CHRNA7: variants seen among roughly 807,000 people sequenced by gnomAD.
CHRNA7 encodes neuronal acetylcholine receptor subunit alpha-7.
In CHRNA7, 17 loss-of-function variants were observed where a neutral mutation model predicts 48.0. The ratio of observed to expected loss-of-function variants is 0.35; its 90% CI spans 0.24 to 0.53. The LOEUF is 0.53. CHRNA7 is among the 20% of genes least tolerant of loss of function. The probability of loss-of-function intolerance (pLI) is 0.92; values close to 1 mark genes in which losing one functional copy is unlikely to be tolerated. For missense variants in CHRNA7, 155 were observed against 577.7 expected (o/e 0.27, Z 7.50); for synonymous variants, 75 against 242.3 (o/e 0.31, Z 6.41).
intron 4 of CHRNA7, among the ~76,000 whole-genome samples, chr15:32,123,277 C>T (rs2051005232): frequency 6.6e-6 from 1 of 152,058 alleles, no homozygotes; most frequent in Non-Finnish European, 1.5e-5. Context: ...TAAAGATAAA[C>T]CTCGTTAAAT....
At chr15:32,040,591 T>C (rs1441040356) in intron 2 of CHRNA7, among the ~76,000 whole-genome samples, 1 of 94,374 alleles carries the variant, frequency 1.1e-5, no homozygotes, top group Non-Finnish European at 3.1e-5. Context: ...CGTGTGTGTG[T>C]GTGTATATGT....
chr15:32,156,937 A>G (rs1291371251), intron 5 of CHRNA7: 1 of 49,684 alleles, frequency 2.0e-5, no homozygotes, highest in African/African-American at 8.2e-5. Context: ...CACCCAGCTA[A>G]TTTTTTTTAT....
intron 2 of CHRNA7, among the ~76,000 whole-genome samples, chr15:32,063,575 A>ATGG (rs1435928066): frequency 6.6e-6 from 1 of 152,186 alleles, no homozygotes; most frequent in African/African-American, 2.4e-5. Context: ...GGAGTTATTG[A>ATGG]TGGAGTTTCA....
In CHRNA7 at chr15:32,163,470, G is replaced by A. The variant is rs1260163487; in HGVS notation, c.990+135G>A. 7.4e-6 allele frequency: 2 copies of A among 271,456 alleles called. 1 individual carries two copies. Among genetic ancestry groups the A allele is most frequent in the African/African-American group, 8.4e-5 (2 of 23,762 alleles). 16.8% of individuals were successfully genotyped at this position (271,456 alleles called of 1,614,324 possible). Reference sequence around the variant, plus strand: ...TTGGGTTTTTTGTTTGTTTTTTTGAGACGGAGTCTCACTATGTCACCCAGG... The same window carrying A: ...TTGGGTTTTTTGTTTGTTTTTTTGAAACGGAGTCTCACTATGTCACCCAGG... On this transcript the variant is annotated intron_variant, in intron 9 of 9. Transcript: ENST00000306901.
At chr15:32,133,659 C>G (rs2051194866) in intron 4 of CHRNA7, among the ~76,000 whole-genome samples, 2 of 152,210 alleles carry the variant, frequency 1.3e-5, no homozygotes, top group South Asian at 4.1e-4. Flanking sequence ...AGGCTGTGCT[C>G]AGTCAGGGCT....
chr15:32,114,276 A>G (rs1461541987), intron 4 of CHRNA7, among the ~76,000 whole-genome samples: 1 of 151,926 alleles, frequency 6.6e-6, no homozygotes, highest in Admixed American at 6.6e-5. Context: ...AAAATGTTTG[A>G]TGATTCCAAA....
chr15:32,050,233 C>A (rs1282207990), intron 2 of CHRNA7, among the ~76,000 whole-genome samples: 1 of 152,206 alleles, frequency 6.6e-6, no homozygotes, highest in Non-Finnish European at 1.5e-5. Flanking sequence ...TGATATCCTG[C>A]AGAGTGTTTT....
At chr15:32,108,858 G>A (rs1438965796) in intron 3 of CHRNA7, among the ~76,000 whole-genome samples, 1 of 152,152 alleles carries the variant, frequency 6.6e-6, no homozygotes, top group African/African-American at 2.4e-5. Flanking sequence ...CAGGGTACAT[G>A]TAAGGAAACT....
chr15:32,066,347 T>C (rs2049966358), intron 2 of CHRNA7, among the ~76,000 whole-genome samples: 1 of 151,892 alleles, frequency 6.6e-6, no homozygotes, highest in East Asian at 1.9e-4. Context: ...GGTGGCGCGA[T>C]GTCCACTCAC....
chr15:32,064,182 G>C (rs569585736), intron 2 of CHRNA7, among the ~76,000 whole-genome samples: 2 of 152,060 alleles, frequency 1.3e-5, no homozygotes, highest in Non-Finnish European at 2.9e-5. Context: ...AAGCAATGCC[G>C]TTGCTCTGTT....
intron 2 of CHRNA7, among the ~76,000 whole-genome samples, chr15:32,091,788 G>A (rs1038340142): frequency 1.3e-5 from 2 of 152,170 alleles, no homozygotes; most frequent in African/African-American, 2.4e-5. Flanking sequence ...GTCAGCTCAC[G>A]TACTTACAAT....
chr15:32,152,422 A>T (rs993061946), intron 4 of CHRNA7, among the ~76,000 whole-genome samples: 3 of 152,166 alleles, frequency 2.0e-5, no homozygotes, highest in African/African-American at 7.2e-5. Flanking sequence ...CAGCCTGGGC[A>T]ACAGAGCTAG....
chr15:32,152,940 G>C (rs1246307846), intron 4 of CHRNA7, among the ~76,000 whole-genome samples: 5 of 152,126 alleles, frequency 3.3e-5, no homozygotes, highest in Admixed American at 1.3e-4. Context: ...TATCCCAGTT[G>C]TTAACTCCTG....
At chr15:32,103,157 G>A (rs1418109796) in intron 3 of CHRNA7, 1 of 152,226 alleles carries the variant, frequency 6.6e-6, no homozygotes. Context: ...TTCTTGGGCA[G>A]TTGAGTTATC....
At chr15:32,108,434 T>G (rs2050707563) in intron 3 of CHRNA7, among the ~76,000 whole-genome samples, 1 of 152,262 alleles carries the variant, frequency 6.6e-6, no homozygotes, top group Non-Finnish European at 1.5e-5. Flanking sequence ...AGGTGCTGTC[T>G]ACAAAGATTT....
rs778298112 is a variant in CHRNA7 at position 32,168,224 on chromosome 15, AC to A, written c.1281del (p.Glu428ArgfsTer60). On this transcript the variant is annotated frameshift_variant, in exon 10 of 10. Coordinates refer to ENST00000306901, the MANE Select transcript of CHRNA7 (RefSeq NM_000746.6). LOFTEE classifies it high-confidence loss of function. ...ATGAGCACCTCCTGCACGGCGGGCA[AC>A]CCCCCGAGGGGGACCCGGACTTGGC... ...HDEHLLHGGQ[P>X]PEGDPDLAKI... 2.6e-6 allele frequency: 4 copies of A among 1,538,482 alleles called. No homozygotes were observed. The highest frequency in any genetic ancestry group is 1.2e-5 in the South Asian group (1 of 84,084).
In CHRNA7 at chr15:32,120,223, C is replaced by G. The variant is rs57435323; in HGVS notation, c.350+8324C>G. On this transcript the variant is annotated intron_variant, in intron 4 of 9. Transcript: ENST00000306901. ...CCTGACTCCATAGTCTGACTCATTACTGGCCAGTCTCTCGACACATCAGGA... is the reference window on the plus strand; with the variant it reads ...CCTGACTCCATAGTCTGACTCATTAGTGGCCAGTCTCTCGACACATCAGGA... 7.3e-3 allele frequency among the ~76,000 whole-genome samples: 1,112 copies of G among 152,278 alleles called. 13 individuals carry two copies. Among genetic ancestry groups the G allele is most frequent in the African/African-American group, 0.025 (1,057 of 41,556 alleles).
intron 2 of CHRNA7, among the ~76,000 whole-genome samples, chr15:32,086,829 G>A (rs1356759980): frequency 6.6e-6 from 1 of 151,696 alleles, no homozygotes; most frequent in African/African-American, 2.4e-5. Flanking sequence ...AATGTGTTTT[G>A]GGGTAGACAG....
At chr15:32,158,133 CAG>C in intron 6 of CHRNA7, 1 of 306,554 alleles carries the variant, frequency 3.3e-6, no homozygotes, top group Non-Finnish European at 5.4e-6. Flanking sequence ...ACATTTATAA[CAG>C]TGTAAAATTG....
Sources: gnomAD v4.1 joint callset for allele counts (sites outside exome capture counted in the v4.1 genomes callset) on GRCh38, gnomAD v4.1.1 for gene constraint, MANE v1.5 for transcripts, NCBI Gene and HGNC (gene_info 2026-07-23, HGNC 2026-07-21) for gene names.